Variants in DLG2 observed in about 807,000 individuals in gnomAD.
DLG2 encodes discs large MAGUK scaffold protein 2.
In DLG2, 45 loss-of-function variants were observed where a neutral mutation model predicts 132.5. The observed-to-expected ratio is 0.34, with a 90% CI of 0.27 to 0.44. The LOEUF (loss-of-function observed/expected upper bound fraction) is 0.44, where lower values mean the gene tolerates loss of function less well. DLG2 is among the 20% of genes least tolerant of loss of function. The pLI is 1.00. For missense variants in DLG2, 1,045 were observed against 1,196.9 expected, an observed-to-expected ratio of 0.87 and a Z score of 1.87; for synonymous variants, 424 against 419.6, an observed-to-expected ratio of 1.01 and a Z score of -0.13.
At chr11:84,626,649 A>G (rs1160284826) in intron 6 of DLG2, among the ~76,000 whole-genome samples, 1 of 152,198 alleles carries the variant, frequency 6.6e-6, no homozygotes, top group African/African-American at 2.4e-5. Context: ...TTATAAAATC[A>G]GCAACAAGGC....
intron 4 of DLG2, among the ~76,000 whole-genome samples, chr11:85,267,082 T>G (rs1490374377): frequency 6.6e-6 from 1 of 152,194 alleles, no homozygotes; most frequent in Non-Finnish European, 1.5e-5. Flanking sequence ...ATTCATATGT[T>G]GAGATTCCAA....
intron 6 of DLG2, among the ~76,000 whole-genome samples, chr11:84,861,134 G>A (rs924427809): frequency 1.3e-5 from 2 of 152,104 alleles, no homozygotes; most frequent in Non-Finnish European, 2.9e-5. Context: ...AACAAAAAAG[G>A]ACATACGCTT....
At chr11:85,259,457 CTAA>C (rs1184420655) in intron 4 of DLG2, among the ~76,000 whole-genome samples, 3 of 152,068 alleles carry the variant, frequency 2.0e-5, no homozygotes, top group Admixed American at 6.6e-5. Flanking sequence ...CAATAACAAA[CTAA>C]TATACTGTGT....
At chr11:85,235,264 C>G (rs1490489180) in intron 4 of DLG2, among the ~76,000 whole-genome samples, 5 of 151,912 alleles carry the variant, frequency 3.3e-5, no homozygotes, top group Non-Finnish European at 7.4e-5. Context: ...TTAAGTGCTT[C>G]TCAAATGTAC....
At chr11:85,593,811 C>T (rs1158775768) in intron 3 of DLG2, among the ~76,000 whole-genome samples, 3 of 151,878 alleles carry the variant, frequency 2.0e-5, no homozygotes, top group African/African-American at 7.2e-5. Flanking sequence ...GTTTTTTTTA[C>T]TCAAACTAAA....
chr11:83,829,467 G>T (rs1807289898), intron 17 of DLG2, among the ~76,000 whole-genome samples: 1 of 152,148 alleles, frequency 6.6e-6, no homozygotes, highest in African/African-American at 2.4e-5. Context: ...AAAGTGCTGG[G>T]ATTATAGGCA....
At chr11:84,085,744 G>A (rs147176861) in intron 10 of DLG2, among the ~76,000 whole-genome samples, 19 of 152,226 alleles carry the variant, frequency 1.2e-4, no homozygotes, top group South Asian at 2.1e-4. Context: ...AAGCAGTGGC[G>A]ATGCTTAAAT....
At chr11:83,838,051 T>C (rs59848766) in intron 16 of DLG2, among the ~76,000 whole-genome samples, 23,203 of 144,558 alleles carry the variant, frequency 0.16, 1,881 homozygotes, top group South Asian at 0.27. Flanking sequence ...ATAGTACATA[T>C]AGATGGAGGG....
At chr11:83,687,824 C>T (rs984893006) in intron 18 of DLG2, among the ~76,000 whole-genome samples, 2 of 151,892 alleles carry the variant, frequency 1.3e-5, no homozygotes, top group Non-Finnish European at 2.9e-5. Flanking sequence ...GCCCCATCTC[C>T]ACTAAAACAA....
chr11:84,671,096 ATT>A (rs11320250), intron 6 of DLG2, among the ~76,000 whole-genome samples: 31 of 142,798 alleles, frequency 2.2e-4, no homozygotes, highest in Admixed American at 2.1e-4. Context: ...GAGTACAATA[ATT>A]TTTTTTTTTT....
intron 6 of DLG2, among the ~76,000 whole-genome samples, chr11:84,982,979 G>A (rs1265141886): frequency 1.3e-5 from 2 of 152,202 alleles, no homozygotes; most frequent in African/African-American, 2.4e-5. Flanking sequence ...ATCTGATGGT[G>A]AAAGACTGAA....
Position 84,942,439 on chromosome 11 carries a change from T to C in DLG2, c.357+169222A>G, listed in dbSNP as rs558441183. Among the ~76,000 whole-genome samples, 4 of 152,294 alleles carry C rather than the reference T, an allele frequency of 2.6e-5. No individual in the cohort carries two copies. The South Asian group carries it at 8.3e-4, about 32-fold the overall frequency. On this transcript the variant is annotated intron_variant, in intron 6 of 27. Coordinates refer to ENST00000376104, the MANE Select transcript of DLG2 (RefSeq NM_001142699.3). ...GTATATTCTGTCTCCATTTTTATTT[T>C]TTAAGAGATTTTAACATTTCCTTTA... is the stretch of plus-strand genomic sequence containing the variant.
chr11:85,137,044 G>A (rs2076181512), intron 5 of DLG2, among the ~76,000 whole-genome samples: 2 of 151,888 alleles, frequency 1.3e-5, no homozygotes, highest in Admixed American at 6.6e-5. Flanking sequence ...ATATATTGGT[G>A]CATGTAGCTG....
intron 4 of DLG2, among the ~76,000 whole-genome samples, chr11:85,182,092 G>A (rs1183463692): frequency 6.6e-6 from 1 of 151,930 alleles, no homozygotes; most frequent in Non-Finnish European, 1.5e-5. Flanking sequence ...GGTTAGATGT[G>A]ATGGAATTAA....
At chr11:84,757,664 T>G (rs1229836633) in intron 6 of DLG2, among the ~76,000 whole-genome samples, 1 of 152,214 alleles carries the variant, frequency 6.6e-6, no homozygotes, top group Non-Finnish European at 1.5e-5. Context: ...ATGCATTATC[T>G]CATTTAATCC....
At chr11:83,720,091 G>C (rs1472734269) in intron 18 of DLG2, among the ~76,000 whole-genome samples, 1 of 151,630 alleles carries the variant, frequency 6.6e-6, no homozygotes, top group African/African-American at 2.4e-5. Flanking sequence ...TCAGGAGCTC[G>C]AGACCAGCCT....
intron 18 of DLG2, among the ~76,000 whole-genome samples, chr11:83,688,690 CATT>C (rs1409951565): frequency 1.3e-5 from 2 of 152,114 alleles, no homozygotes; most frequent in Non-Finnish European, 1.5e-5. Context: ...TCATATACAT[CATT>C]AATATAAATT....
At chr11:83,905,154 C>G (rs2074405060) in intron 15 of DLG2, among the ~76,000 whole-genome samples, 1 of 152,228 alleles carries the variant, frequency 6.6e-6, no homozygotes, top group East Asian at 1.9e-4. Flanking sequence ...AAACATTGTA[C>G]TAAGCATATT....
chr11:85,031,484 CTTTCTTT>C (rs1420690374), intron 6 of DLG2, among the ~76,000 whole-genome samples: 1 of 151,820 alleles, frequency 6.6e-6, no homozygotes, highest in Non-Finnish European at 1.5e-5. Flanking sequence ...TGGTTTGGTC[CTTTCTTT>C]TTTCTACTTC....
Sources: gnomAD v4.1 joint callset for allele counts (sites outside exome capture counted in the v4.1 genomes callset) on GRCh38, gnomAD v4.1.1 for gene constraint, MANE v1.5 for transcripts, NCBI Gene and HGNC (gene_info 2026-07-23, HGNC 2026-07-21) for gene names.